BAIAP2L1: variants seen among roughly 807,000 people sequenced by gnomAD.
BAIAP2L1 encodes BAR/IMD domain-containing adapter protein 2-like 1.
In BAIAP2L1, 35 loss-of-function variants were observed where a neutral mutation model predicts 66.3. That is an observed-to-expected ratio of 0.53 (90% CI 0.40 to 0.70). The LOEUF is 0.70. BAIAP2L1 is among the 30% of genes least tolerant of loss of function. The pLI, the probability that BAIAP2L1 is intolerant of heterozygous loss-of-function variation, is 0.00. For synonymous variants in BAIAP2L1, 269 were observed against 248.7 expected, an observed-to-expected ratio of 1.08 and a Z score of -0.77; for missense variants, 622 against 656.9, an observed-to-expected ratio of 0.95 and a Z score of 0.58.
At chr7:98,337,887 C>T (rs1429137320) in intron 3 of BAIAP2L1, among the ~76,000 whole-genome samples, 1 of 151,828 alleles carries the variant, frequency 6.6e-6, no homozygotes, top group African/African-American at 2.4e-5. Context: ...CACTGCACTC[C>T]AGCCTGGGTG....
intron 2 of BAIAP2L1, among the ~76,000 whole-genome samples, chr7:98,355,724 T>G (rs1248257295): frequency 6.6e-6 from 1 of 152,006 alleles, no homozygotes; most frequent in Non-Finnish European, 1.5e-5. Context: ...AGCCAGATAT[T>G]GTCTCAAAAA....
rs1355868789 is a variant in BAIAP2L1 at position 98,292,191 on chromosome 7, T to TA, written c.*1329dup. On this transcript the variant is annotated 3_prime_UTR_variant, in exon 14 of 14. Transcript: ENST00000005260. ...TCCCAATCTCAGCCTCATAGGATAC[T>TA]ACACTTATGGCAAGGCTAAAGGAGA... is the stretch of plus-strand genomic sequence containing the variant. 2 of 176,582 alleles carry TA rather than the reference T, an allele frequency of 1.1e-5. No homozygotes were observed. The highest frequency in any genetic ancestry group is 1.6e-4 in the East Asian group (1 of 6,068). 10.9% of individuals were successfully genotyped at this position (176,582 alleles called of 1,614,324 possible). A position where few individuals can be genotyped will look rare whatever the true frequency, so the allele number is the denominator to read the frequency against.
At chr7:98,301,644 G>C (rs905727084) in intron 12 of BAIAP2L1, among the ~76,000 whole-genome samples, 1 of 152,094 alleles carries the variant, frequency 6.6e-6, no homozygotes, top group African/African-American at 2.4e-5. Context: ...AGACAGAAAG[G>C]GGGAACCTGA....
At chr7:98,333,987 T>C (rs982114947) in intron 3 of BAIAP2L1, among the ~76,000 whole-genome samples, 40 of 152,326 alleles carry the variant, frequency 2.6e-4, no homozygotes, top group African/African-American at 9.1e-4. Flanking sequence ...ATTAGGTTCA[T>C]TTCTCAGTAA....
At chr7:98,387,210 A>C (rs752165628) in intron 1 of BAIAP2L1, among the ~76,000 whole-genome samples, 4 of 152,190 alleles carry the variant, frequency 2.6e-5, no homozygotes, top group Non-Finnish European at 4.4e-5. Flanking sequence ...GGCGGAGGAG[A>C]GGGGCTGCGG....
chr7:98,356,931 G>C lies in BAIAP2L1; in HGVS notation c.128-1803C>G, dbSNP rs1435608928. On this transcript the variant is annotated intron_variant, in intron 2 of 13. Transcript: ENST00000005260. ...GAATTGCGTGAGCCCAGAAGGTCAA[G>C]ACTGCAGTGAACCACAACTGTACCA... is the stretch of plus-strand genomic sequence containing the variant. Among the ~76,000 whole-genome samples, 4 of 125,680 alleles carry C rather than the reference G, an allele frequency of 3.2e-5. No individual in the cohort carries two copies. In the Admixed American group the frequency reaches 3.7e-4, roughly 12 times the overall value. The allele number at this position is 125,680 out of a possible 152,430, so 82.5% of individuals were successfully genotyped here. A position where few individuals can be genotyped will look rare whatever the true frequency, so the allele number is the denominator to read the frequency against.
chr7:98,343,274 CACACACACACACAG>C (rs1452452487), intron 3 of BAIAP2L1, among the ~76,000 whole-genome samples: 12 of 150,206 alleles, frequency 8.0e-5, no homozygotes, highest in Non-Finnish European at 1.5e-4. Context: ...CACACACACA[CACACACACACACAG>C]ACACACACAC....
chr7:98,357,224 A>G (rs555851446), intron 2 of BAIAP2L1, among the ~76,000 whole-genome samples: 7 of 149,492 alleles, frequency 4.7e-5, no homozygotes, highest in Admixed American at 4.0e-4. Context: ...AAGCCAAAAC[A>G]GTAGTATATT....
At chr7:98,308,078 G>C (rs1800728895) in intron 9 of BAIAP2L1, 182 bp from the exon 10 acceptor site, 1 of 716,340 alleles carries the variant, frequency 1.4e-6, no homozygotes, top group African/African-American at 1.7e-5. Flanking sequence ...GGACTGTTGA[G>C]AAACAGAGGC....
At chr7:98,396,176 C>T (rs1238198930) in intron 1 of BAIAP2L1, among the ~76,000 whole-genome samples, 6 of 152,040 alleles carry the variant, frequency 3.9e-5, no homozygotes, top group Non-Finnish European at 8.8e-5. Flanking sequence ...CTCAAGTGAT[C>T]CTCCCACCTC....
intron 1 of BAIAP2L1, among the ~76,000 whole-genome samples, chr7:98,388,753 G>A (rs894229039): frequency 5.3e-5 from 8 of 152,020 alleles, no homozygotes; most frequent in African/African-American, 1.7e-4. Flanking sequence ...GCAGGCAGAC[G>A]GCTTGAGCCC....
chr7:98,364,070 T>C (rs1013960936), intron 1 of BAIAP2L1, among the ~76,000 whole-genome samples: 5 of 152,108 alleles, frequency 3.3e-5, no homozygotes, highest in Non-Finnish European at 7.4e-5. Context: ...TAACTGCAGC[T>C]TCCTACGACA....
chr7:98,358,349 A>G (rs1802188152), intron 2 of BAIAP2L1, among the ~76,000 whole-genome samples: 1 of 151,454 alleles, frequency 6.6e-6, no homozygotes, highest in South Asian at 2.1e-4. Context: ...AAAGAAGCAT[A>G]TTAGTTTTTT....
chr7:98,306,814 C>A, intron 10 of BAIAP2L1: 1 of 386,592 alleles, frequency 2.6e-6, no homozygotes, highest in Non-Finnish European at 4.8e-6. Flanking sequence ...CTCAAGCAAT[C>A]CCCCTGCCTC....
chr7:98,313,144 ACCC>A (rs1800934932), intron 7 of BAIAP2L1, among the ~76,000 whole-genome samples: 1 of 131,254 alleles, frequency 7.6e-6, no homozygotes, highest in East Asian at 2.2e-4. Flanking sequence ...CCCAACTGTC[ACCC>A]CACCCCCAAC....
intron 1 of BAIAP2L1, among the ~76,000 whole-genome samples, chr7:98,379,208 C>T (rs968956639): frequency 3.9e-5 from 6 of 152,108 alleles, no homozygotes; most frequent in Non-Finnish European, 7.4e-5. Flanking sequence ...TAACCACCAC[C>T]GCATTTCCAG....
chr7:98,343,634 T>A (rs6945554), intron 3 of BAIAP2L1, among the ~76,000 whole-genome samples: 1 of 151,878 alleles, frequency 6.6e-6, no homozygotes. Context: ...GCACCTTAAA[T>A]CCAGACACTT....
intron 2 of BAIAP2L1, among the ~76,000 whole-genome samples, chr7:98,360,086 CTAAATTTTGTATTTT>C (rs1227537505): frequency 1.3e-5 from 2 of 152,086 alleles, no homozygotes; most frequent in Non-Finnish European, 2.9e-5. Flanking sequence ...CCACTCCCGG[CTAAATTTTGTATTTT>C]TAGTAGAGAC....
At chr7:98,335,529 A>G (rs1379618223) in intron 3 of BAIAP2L1, among the ~76,000 whole-genome samples, 1 of 152,242 alleles carries the variant, frequency 6.6e-6, no homozygotes, top group Non-Finnish European at 1.5e-5. Context: ...AATGCTGTAA[A>G]TAAGGACCTT....
Sources: gnomAD v4.1 joint callset for allele counts (sites outside exome capture counted in the v4.1 genomes callset) on GRCh38, gnomAD v4.1.1 for gene constraint, MANE v1.5 for transcripts, NCBI Gene and HGNC (gene_info 2026-07-23, HGNC 2026-07-21) for gene names.